Variants in TRERF1 observed in about 807,000 individuals in gnomAD.
TRERF1 encodes the protein transcriptional-regulating factor 1.
A neutral mutation model predicts 122.9 loss-of-function variants in TRERF1; 27 were observed. The ratio of observed to expected loss-of-function variants is 0.22; its 90% CI spans 0.16 to 0.30. The LOEUF (loss-of-function observed/expected upper bound fraction) is 0.30, where lower values mean the gene tolerates loss of function less well. Ranked by LOEUF, TRERF1 falls within the 10% of genes least tolerant of loss-of-function variation. The probability of loss-of-function intolerance (pLI) is 1.00; values close to 1 mark genes in which losing one functional copy is unlikely to be tolerated. For synonymous variants in TRERF1, 636 were observed against 641.7 expected (o/e 0.99, Z 0.13); for missense variants, 1,248 against 1,560.3 (o/e 0.80, Z 3.37).
At chr6:42,309,169 G>C (rs1355610214) in intron 3 of TRERF1, among the ~76,000 whole-genome samples, 1 of 152,126 alleles carries the variant, frequency 6.6e-6, no homozygotes, top group African/African-American at 2.4e-5. Flanking sequence ...AGGCAGGGTC[G>C]ATTTGTGTAA....
At chr6:42,347,767 G>A (rs184133624) in intron 3 of TRERF1, among the ~76,000 whole-genome samples, 64 of 152,286 alleles carry the variant, frequency 4.2e-4, no homozygotes, top group African/African-American at 1.4e-3. Flanking sequence ...AAAGCAATTC[G>A]CAAACCACCA....
chr6:42,277,288 C>T (rs1361209552), intron 4 of TRERF1, among the ~76,000 whole-genome samples: 1 of 152,166 alleles, frequency 6.6e-6, no homozygotes, highest in Admixed American at 6.5e-5. Context: ...TCTGCCTGCT[C>T]CACCTCCAGG....
chr6:42,257,234 T>C (rs767178037), intron 10 of TRERF1, 132 bp from the exon 11 acceptor site: 1 of 1,135,124 alleles, frequency 8.8e-7, no homozygotes, highest in African/African-American at 1.6e-5. Context: ...TTCCTCACAG[T>C]GTGACCCTAA....
At chr6:42,400,430 T>C (rs1292067814) in intron 2 of TRERF1, among the ~76,000 whole-genome samples, 1 of 152,168 alleles carries the variant, frequency 6.6e-6, no homozygotes, top group Non-Finnish European at 1.5e-5. Flanking sequence ...CCCCATCTCA[T>C]TGTGAGGGGC....
chr6:42,329,676 C>T (rs778648439), intron 3 of TRERF1, among the ~76,000 whole-genome samples: 1 of 152,020 alleles, frequency 6.6e-6, no homozygotes, highest in South Asian at 2.1e-4. Context: ...GGAAAAAGAC[C>T]GAGACATTTT....
chr6:42,423,728 A>G (rs989494872), intron 2 of TRERF1, among the ~76,000 whole-genome samples: 3 of 151,558 alleles, frequency 2.0e-5, no homozygotes, highest in African/African-American at 7.3e-5. Flanking sequence ...GGGTTATTTA[A>G]AAAAAAAAGT....
Position 42,268,240 on chromosome 6 carries a change from G to A in TRERF1, c.1351C>T (p.Arg451Cys), listed in dbSNP as rs376670085. 2.0e-5 allele frequency: 30 copies of A among 1,496,884 alleles called. No homozygotes were observed. Among genetic ancestry groups the A allele is most frequent in the Non-Finnish European group, 2.0e-5 (23 of 1,123,508 alleles). 92.7% of individuals were successfully genotyped at this position (1,496,884 alleles called of 1,614,324 possible). A position where few individuals can be genotyped will look rare whatever the true frequency, so the allele number is the denominator to read the frequency against. Residue 451 changes from arginine (R) to cysteine (C), a missense_variant, in exon 5 of 18, where the codon CGC becomes TGC. By Grantham distance (180) the Arg-to-Cys change is radical (BLOSUM62 -3). Around this residue, in one of 5 missense-constraint regions of TRERF1, gnomAD observed 946 missense variants for 1,073.0 expected, o/e 0.88. Coordinates refer to ENST00000372922, the Ensembl canonical transcript of TRERF1. The surrounding 1 kb of genome is among the most constrained non-coding windows in gnomAD (Gnocchi z 4.4). The stretch of plus-strand genomic sequence containing the variant: ...ATCCCACTGGGGGATAGGAGGGGGC[G>A]ATGGGGGAGGGTGCTGCTGACCCGG...
Position 42,269,725 on chromosome 6 carries a change from C to A in TRERF1, c.-135G>T, listed in dbSNP as rs16895481. 2 of 1,450,200 alleles carry A rather than the reference C, an allele frequency of 1.4e-6. No individual in the cohort carries two copies. The highest frequency in any genetic ancestry group is 1.8e-6 in the Non-Finnish European group (2 of 1,107,884). 89.8% of individuals were successfully genotyped at this position (1,450,200 alleles called of 1,614,324 possible). The stretch of plus-strand genomic sequence containing the variant: ...ACTCCACGGCTGACATGTCTGTGAA[C>A]GTGGCTGGAGCCAGGTGTTCCTGTT... On this transcript the variant is annotated 5_prime_UTR_variant, in exon 5 of 18. Coordinates refer to ENST00000372922, the Ensembl canonical transcript of TRERF1. This position sits in a 1 kb window ranked among gnomAD's most constrained non-coding sequence, Gnocchi z 4.9.
At chr6:42,380,413 A>C (rs1216033645) in intron 2 of TRERF1, among the ~76,000 whole-genome samples, 1 of 152,198 alleles carries the variant, frequency 6.6e-6, no homozygotes, top group Non-Finnish European at 1.5e-5. Context: ...CAATGAGAGG[A>C]CTAGACTCAG....
chr6:42,270,568 C>T (rs1780034965), intron 4 of TRERF1, among the ~76,000 whole-genome samples: 1 of 152,098 alleles, frequency 6.6e-6, no homozygotes, highest in South Asian at 2.1e-4. Context: ...GGCCTGCTCT[C>T]AAGCATGTAG....
intron 6 of TRERF1, among the ~76,000 whole-genome samples, chr6:42,265,077 T>C (rs1222656629): frequency 1.3e-5 from 2 of 152,168 alleles, no homozygotes. Context: ...CTCAAAGTCA[T>C]GCAAGAATTG....
At chr6:42,407,404 C>A (rs1780330324) in intron 2 of TRERF1, among the ~76,000 whole-genome samples, 1 of 152,114 alleles carries the variant, frequency 6.6e-6, no homozygotes, top group Non-Finnish European at 1.5e-5. Context: ...TGGATCTGCC[C>A]CCAAACTACA....
chr6:42,252,439 G>A (rs1160437650), intron 13 of TRERF1, among the ~76,000 whole-genome samples: 1 of 152,194 alleles, frequency 6.6e-6, no homozygotes, highest in Non-Finnish European at 1.5e-5. Context: ...CCAGATAACT[G>A]GGAGCCTGGA....
chr6:42,254,728 T>G, intron 13 of TRERF1, 123 bp downstream of exon 13: 1 of 904,220 alleles, frequency 1.1e-6, no homozygotes, highest in Non-Finnish European at 1.8e-6. Flanking sequence ...CTAGGAGGCC[T>G]TGAGATCACA....
chr6:42,335,605 C>T lies in TRERF1; in HGVS notation c.-371+27392G>A, dbSNP rs112558175. 4.2e-4 allele frequency among the ~76,000 whole-genome samples: 64 copies of T among 152,246 alleles called. 1 individual carries two copies. The highest frequency in any genetic ancestry group is 1.4e-3 in the African/African-American group (59 of 41,528). On this transcript the variant is annotated intron_variant, in intron 3 of 17. Coordinates refer to ENST00000372922, the Ensembl canonical transcript of TRERF1. ...TTAGTCAACATGAGTGCGGATGGGGCGTGCCATTGACTGAATGCCACTGAT... is the reference window on the plus strand; with the variant it reads ...TTAGTCAACATGAGTGCGGATGGGGTGTGCCATTGACTGAATGCCACTGAT...
intron 3 of TRERF1, among the ~76,000 whole-genome samples, chr6:42,326,200 C>T (rs1764263719): frequency 6.6e-6 from 1 of 152,020 alleles, no homozygotes; most frequent in African/African-American, 2.4e-5. Flanking sequence ...TTCAGTGCAA[C>T]ACTGGCCAGG....
chr6:42,350,894 C>T (rs541825203), intron 3 of TRERF1, among the ~76,000 whole-genome samples: 3 of 151,998 alleles, frequency 2.0e-5, no homozygotes, highest in African/African-American at 7.2e-5. Context: ...CATAAAAATC[C>T]CTTGTACATG....
In TRERF1 at chr6:42,382,417, T is replaced by TAA. The variant is rs58580368; in HGVS notation, c.-453-19340_-453-19339dup. 3.0e-3 allele frequency among the ~76,000 whole-genome samples: 401 copies of TAA among 133,664 alleles called. 1 individual carries two copies. Among genetic ancestry groups the TAA allele is most frequent in the African/African-American group, 9.9e-3 (359 of 36,152 alleles). The allele number at this position is 133,664 out of a possible 152,430, so 87.7% of individuals were successfully genotyped here. A position where few individuals can be genotyped will look rare whatever the true frequency, so the allele number is the denominator to read the frequency against. On this transcript the variant is annotated intron_variant, in intron 2 of 17. Transcript: ENST00000372922. Reference sequence around the variant, plus strand: ...GCAAAATCCTTCTCAAAGACGTGATTAAAAAAAAAAAAAAGCTGCCAAGCA... The same window carrying TAA: ...GCAAAATCCTTCTCAAAGACGTGATTAAAAAAAAAAAAAAAAGCTGCCAAGCA...
intron 17 of TRERF1, among the ~76,000 whole-genome samples, chr6:42,230,109 C>G (rs1770221774): frequency 6.6e-6 from 1 of 152,104 alleles, no homozygotes; most frequent in African/African-American, 2.4e-5. Flanking sequence ...CAAAACAAAA[C>G]AAAAACACAC....
Sources: allele counts gnomAD v4.1 joint callset (sites outside exome capture counted in the v4.1 genomes callset), GRCh38; gene constraint gnomAD v4.1.1; regional missense constraint gnomAD v4.1.1; non-coding constraint Gnocchi (gnomAD v3.1); transcripts MANE v1.5; gene names NCBI Gene and HGNC (gene_info 2026-07-23, HGNC 2026-07-21).